The following GPATCH3 variants were observed in gnomAD, a reference collection of about 807,000 sequenced individuals.
GPATCH3 encodes G patch domain-containing protein 3.
A neutral mutation model predicts 53.2 loss-of-function variants in GPATCH3; 45 were observed. That is an observed-to-expected ratio of 0.85 (90% CI 0.67 to 1.08). The LOEUF is 1.08. Among genes scored for constraint, GPATCH3 ranks in the 50% least tolerant of loss-of-function variants. The pLI is 0.00. For missense variants in GPATCH3, 680 were observed against 687.2 expected (o/e 0.99, Z 0.12); for synonymous variants, 280 against 270.6 (o/e 1.03, Z -0.34).
intron 6 of GPATCH3, among the ~76,000 whole-genome samples, 178 bp downstream of exon 6, chr1:26,892,233 C>T (rs1037098837): frequency 1.4e-4 from 22 of 152,056 alleles, no homozygotes; most frequent in African/African-American, 4.3e-4. Context: ...CCTCCCAAAG[C>T]GCTAGGATTA....
rs2081940367 is a variant in GPATCH3, at chr1:26,894,093, T to G, written c.1051+143A>C. 46 of 730,054 alleles carry G rather than the reference T, an allele frequency of 6.3e-5. 1 individual carries two copies. In the South Asian group the frequency reaches 9.1e-4, roughly 14 times the overall value. The allele number at this position is 730,054 out of a possible 1,614,324, so 45.2% of individuals were successfully genotyped here. A position where few individuals can be genotyped will look rare whatever the true frequency, so the allele number is the denominator to read the frequency against. ...GATCCCCACTCTTAAAAAGGATGAT[T>G]GGTCTCTCGTATACAATAGAGGTCA... On this transcript the variant is annotated intron_variant, in intron 3 of 6. Transcript: ENST00000361720.
At position 26,897,636 on chromosome 1, in the gene GPATCH3, G is replaced by C. The variant is rs778021157; in HGVS notation, c.541C>G (p.Leu181Val). Residue 181 changes from leucine (L) to valine (V), a missense_variant, in exon 2 of 7, where the codon CTG (leucine) becomes GTG (valine). Leu to Val is a conservative substitution (Grantham distance 32). Transcript: ENST00000361720. The part of the protein sequence containing the change: ...EAFTLADLKQ[L>V]PELNPPVLMP... Reference sequence around the variant, plus strand: ...AGCACTGGTGGGTTCAGCTCCGGCAGTTGCTTCAGGTCAGCCAGGGTGAAG... The same window carrying C: ...AGCACTGGTGGGTTCAGCTCCGGCACTTGCTTCAGGTCAGCCAGGGTGAAG... 5.0e-6 allele frequency: 8 copies of C among 1,614,074 alleles called. No homozygotes were observed. The Admixed American group carries it at 1.3e-4, about 27-fold the overall frequency.
At chr1:26,892,026 G>C (rs1325818637) in intron 6 of GPATCH3, among the ~76,000 whole-genome samples, 1 of 151,936 alleles carries the variant, frequency 6.6e-6, no homozygotes, top group African/African-American at 2.4e-5. Flanking sequence ...ATTTTTAGTA[G>C]AGACGGGGAT....
chr1:26,897,873 A>T (rs2081958290), intron 1 of GPATCH3, 148 bp from the exon 2 acceptor site: 10 of 702,886 alleles, frequency 1.4e-5, no homozygotes, highest in Middle Eastern at 4.1e-4. Flanking sequence ...ACAGTGGCTC[A>T]CGCTTGTGAT....
intron 2 of GPATCH3, 98 bp downstream of exon 2, chr1:26,897,203 G>A: frequency 8.2e-7 from 1 of 1,218,796 alleles, no homozygotes; most frequent in Non-Finnish European, 1.2e-6. Flanking sequence ...AGGACCCCAG[G>A]TTAAGAACCC....
At chr1:26,893,843 G>T (rs919959510) in intron 3 of GPATCH3, among the ~76,000 whole-genome samples, 3 of 151,910 alleles carry the variant, frequency 2.0e-5, no homozygotes, top group East Asian at 3.9e-4. Flanking sequence ...TTTAGAGAAG[G>T]TCTCACTCTG....
chr1:26,899,431 T>C (rs2081964969), intron 1 of GPATCH3, among the ~76,000 whole-genome samples: 1 of 152,236 alleles, frequency 6.6e-6, no homozygotes, highest in Non-Finnish European at 1.5e-5. Flanking sequence ...AATAACCTTT[T>C]TCCAAATGTC....
rs908424788 is a variant in GPATCH3 at position 26,891,241 on chromosome 1, GCT to G, written c.1362-17_1362-16del. 8 of 1,600,860 alleles carry G rather than the reference GCT, an allele frequency of 5.0e-6. No homozygotes were observed. The highest frequency in any genetic ancestry group is 6.8e-6 in the Non-Finnish European group (8 of 1,170,640). ...CTCCATGGTACCTGGATAAAAACGG[GCT>G]CTCAGTGAGAAGGCTGCTCTCAAAC... is the stretch of plus-strand genomic sequence containing the variant. On this transcript the variant is annotated splice_polypyrimidine_tract_variant and intron_variant, in intron 6 of 6. Transcript: ENST00000361720.
chr1:26,894,842 T>C (rs951970333), intron 2 of GPATCH3, among the ~76,000 whole-genome samples: 4 of 152,190 alleles, frequency 2.6e-5, no homozygotes, highest in African/African-American at 9.6e-5. Context: ...AAAGAAAGAA[T>C]GGACAATAAT....
chr1:26,900,404 A>C lies in GPATCH3; in HGVS notation c.39T>G (p.Val13=). The change falls in exon 1 of 7, where the codon GTT becomes GTG. Residue 13 remains valine, a synonymous_variant. Transcript: ENST00000361720. ...VPGEAEEEAT[V]YLVVSGIPSV... is the part of the protein sequence containing the mutation. ...AGGGGATACCGCTCACTACCAGGTA[A>C]ACTGTCGCCTCCTCCTCCGCCTCGC... 1.2e-6 allele frequency: 2 copies of C among 1,612,282 alleles called. No individual in the cohort carries two copies. Among genetic ancestry groups the C allele is most frequent in the Non-Finnish European group, 1.7e-6 (2 of 1,178,760 alleles).
rs770681869 is a variant in GPATCH3 at position 26,893,374 on chromosome 1, C to T, written c.1111+15G>A. 1.6e-4 allele frequency: 260 copies of T among 1,606,518 alleles called. No individual in the cohort carries two copies. The highest frequency in any genetic ancestry group is 4.9e-4 in the Middle Eastern group (3 of 6,062). On this transcript the variant is annotated intron_variant, in intron 4 of 6. Transcript: ENST00000361720. The stretch of plus-strand genomic sequence containing the variant: ...ACCTGTTTCACCTCCAGTATTGCCA[C>T]TCCTTGCCCAGTACCTCTGTCATAG...
intron 1 of GPATCH3, among the ~76,000 whole-genome samples, chr1:26,898,305 T>G (rs1282470441): frequency 1.3e-5 from 2 of 152,070 alleles, no homozygotes; most frequent in African/African-American, 2.4e-5. Context: ...CAGCTCTGGC[T>G]CCTGATGAAC....
chr1:26,893,687 A>G (rs2124019717), intron 3 of GPATCH3, among the ~76,000 whole-genome samples: 1 of 151,030 alleles, frequency 6.6e-6, no homozygotes, highest in East Asian at 2.0e-4. Context: ...TACCCAGCTA[A>G]TTTTTGTATT....
chr1:26,899,859 T>C, intron 1 of GPATCH3, 133 bp downstream of exon 1: 1 of 776,530 alleles, frequency 1.3e-6, no homozygotes, highest in South Asian at 1.8e-5. Flanking sequence ...AAGTTGAGCC[T>C]GAAGCTCTGT....
chr1:26,891,914 G>C (rs981868838), intron 6 of GPATCH3, among the ~76,000 whole-genome samples: 1 of 152,108 alleles, frequency 6.6e-6, no homozygotes, highest in Admixed American at 6.6e-5. Flanking sequence ...TCACCATCTT[G>C]ATCAGGCTGG....
At chr1:26,897,258 T>C (rs768641366) in intron 2 of GPATCH3, 43 bp downstream of exon 2, 1 of 1,582,422 alleles carries the variant, frequency 6.3e-7, no homozygotes, top group South Asian at 1.1e-5. Context: ...GCCTTCGGCC[T>C]CTTTCAGCTG....
At chr1:26,896,314 A>ATT (rs921749071) in intron 2 of GPATCH3, among the ~76,000 whole-genome samples, 2 of 144,708 alleles carry the variant, frequency 1.4e-5, no homozygotes, top group Non-Finnish European at 3.1e-5. Flanking sequence ...TTCATGTGGA[A>ATT]TTTTTTTTTT....
rs746980869 is a variant in GPATCH3, at chr1:26,897,663, C to T, written c.514G>A (p.Ala172Thr). ...ELQSWKAENEAFTLADLKQLP... is the reference protein window; with the variant it reads ...ELQSWKAENETFTLADLKQLP... ...TGCTTCAGGTCAGCCAGGGTGAAGG[C>T]TTCATTCTCTGCCTTCCAACTCTGC... Residue 172 changes from alanine (A) to threonine (T), a missense_variant, in exon 2 of 7, where the codon GCC (alanine) becomes ACC (threonine). By Grantham distance (58) the Ala-to-Thr change is moderately conservative. Transcript: ENST00000361720. The T allele has an allele frequency of 5.0e-6, 8 of 1,614,026 alleles. No individual in the cohort carries two copies. The African/African-American group carries it at 1.1e-4, about 22-fold the overall frequency.
rs1288971988 is a variant in GPATCH3, at chr1:26,899,661, C to G, written c.451+331G>C. Among the ~76,000 whole-genome samples, 3 of 152,160 alleles carry G rather than the reference C, an allele frequency of 2.0e-5. No homozygotes were observed. The South Asian group carries it at 6.2e-4, about 31-fold the overall frequency. On this transcript the variant is annotated intron_variant, in intron 1 of 6. Transcript: ENST00000361720. ...CTTACTGAAAGGACTGGGTAGGAAG[C>G]ACAGAGAGAGCAGGAGAGAAAGACA...
Sources: gnomAD v4.1 joint callset for allele counts (sites outside exome capture counted in the v4.1 genomes callset) on GRCh38, gnomAD v4.1.1 for gene constraint, MANE v1.5 for transcripts, NCBI Gene and HGNC (gene_info 2026-07-23, HGNC 2026-07-21) for gene names.